C1orf21: variants seen among roughly 807,000 people sequenced by gnomAD.
C1orf21 encodes chromosome 1 open reading frame 21, also known as uncharacterized protein C1orf21.
In C1orf21, 3 loss-of-function variants were observed where a neutral mutation model predicts 18.7. The observed-to-expected ratio is 0.16, with a 90% CI of 0.07 to 0.42. The LOEUF (loss-of-function observed/expected upper bound fraction) is 0.42, where lower values mean the gene tolerates loss of function less well. Ranked by LOEUF, C1orf21 falls within the 10% of genes least tolerant of loss-of-function variation. The pLI, the probability that C1orf21 is intolerant of heterozygous loss-of-function variation, is 0.99. For synonymous variants in C1orf21, 41 were observed against 46.4 expected (o/e 0.88, Z 0.47); for missense variants, 104 against 143.6 (o/e 0.72, Z 1.41).
At chr1:184,420,386 AT>A (rs1418875674) in intron 1 of C1orf21, among the ~76,000 whole-genome samples, 2 of 152,140 alleles carry the variant, frequency 1.3e-5, no homozygotes, top group Non-Finnish European at 2.9e-5. Flanking sequence ...TGGCTCTGAC[AT>A]TTTATTAGAC....
At chr1:184,445,633 T>A (rs936322571) in intron 1 of C1orf21, among the ~76,000 whole-genome samples, 3 of 152,046 alleles carry the variant, frequency 2.0e-5, no homozygotes, top group Non-Finnish European at 2.9e-5. Flanking sequence ...AAAAAAAATT[T>A]GTTCTTTTGA....
chr1:184,390,323 G>A (rs948302069), intron 1 of C1orf21, among the ~76,000 whole-genome samples: 1 of 152,184 alleles, frequency 6.6e-6, no homozygotes, highest in Non-Finnish European at 1.5e-5. Flanking sequence ...AGTTAGGAAA[G>A]GGTATGTACA....
At chr1:184,573,097 A>T (rs1659136408) in intron 3 of C1orf21, among the ~76,000 whole-genome samples, 1 of 152,164 alleles carries the variant, frequency 6.6e-6, no homozygotes, top group Non-Finnish European at 1.5e-5. Context: ...ATGGAGGAAA[A>T]AAAACTATTT....
intron 1 of C1orf21, among the ~76,000 whole-genome samples, chr1:184,447,745 A>G (rs1343449101): frequency 6.6e-6 from 1 of 151,906 alleles, no homozygotes; most frequent in Non-Finnish European, 1.5e-5. Context: ...TGGTCACTGG[A>G]CTCCCACTGT....
chr1:184,477,638 A>G (rs1044980607), intron 2 of C1orf21, 35 bp downstream of exon 2: 1 of 1,544,926 alleles, frequency 6.5e-7, no homozygotes, highest in South Asian at 1.2e-5. Flanking sequence ...TGACCCATTG[A>G]TTCTAGGCCT....
In C1orf21 at chr1:184,619,699, TAC is replaced by T. The variant is rs753130753; in HGVS notation, c.*145_*146del. ...TTCCATATTGTACGCCCCATTAAATTACAGTGTTTCTTAATGAACTTGCAAAG... is the reference window on the plus strand; with the variant it reads ...TTCCATATTGTACGCCCCATTAAATTAGTGTTTCTTAATGAACTTGCAAAG... On this transcript the variant is annotated 3_prime_UTR_variant, in exon 6 of 6. Coordinates refer to ENST00000235307, the MANE Select transcript of C1orf21 (RefSeq NM_030806.4). The T allele has an allele frequency of 6.5e-6, 4 of 612,928 alleles. No individual in the cohort carries two copies. The highest frequency in any genetic ancestry group is 2.7e-4 in the Middle Eastern group (1 of 3,772). The allele number at this position is 612,928 out of a possible 1,614,324, so 38.0% of individuals were successfully genotyped here.
chr1:184,571,047 A>C (rs1341482133), intron 3 of C1orf21, among the ~76,000 whole-genome samples: 3 of 152,126 alleles, frequency 2.0e-5, no homozygotes, highest in Non-Finnish European at 2.9e-5. Context: ...TAATCCCAGC[A>C]CTTTGGGAGG....
At chr1:184,522,979 C>G (rs116206353) in intron 3 of C1orf21, among the ~76,000 whole-genome samples, 1 of 152,134 alleles carries the variant, frequency 6.6e-6, no homozygotes, top group African/African-American at 2.4e-5. Flanking sequence ...TGAGCCAGTA[C>G]GCCCAGACTT....
intron 3 of C1orf21, among the ~76,000 whole-genome samples, chr1:184,581,092 C>A (rs1659268209): frequency 6.6e-6 from 1 of 152,148 alleles, no homozygotes; most frequent in Non-Finnish European, 1.5e-5. Context: ...GCAGAGCCAT[C>A]CTGCAGCCTG....
At chr1:184,417,564 T>C (rs1656473151) in intron 1 of C1orf21, among the ~76,000 whole-genome samples, 1 of 152,248 alleles carries the variant, frequency 6.6e-6, no homozygotes. Context: ...TTTTAGCACT[T>C]ATCACAAAAG....
intron 1 of C1orf21, among the ~76,000 whole-genome samples, chr1:184,398,449 C>T (rs1656097257): frequency 6.6e-6 from 1 of 152,148 alleles, no homozygotes; most frequent in African/African-American, 2.4e-5. Flanking sequence ...TTTTCTCTGC[C>T]CCCTTCCTCG....
chr1:184,596,141 G>A (rs182040586), intron 4 of C1orf21, among the ~76,000 whole-genome samples: 1 of 152,230 alleles, frequency 6.6e-6, no homozygotes, highest in Admixed American at 6.5e-5. Flanking sequence ...GCCCCCTCTT[G>A]TCCCTCTCAT....
intron 1 of C1orf21, among the ~76,000 whole-genome samples, chr1:184,415,566 A>G (rs973726913): frequency 6.6e-6 from 1 of 152,200 alleles, no homozygotes. Flanking sequence ...TGACCTATTA[A>G]TGAGTCATTA....
chr1:184,537,143 A>G (rs940176606), intron 3 of C1orf21, among the ~76,000 whole-genome samples: 1 of 152,210 alleles, frequency 6.6e-6, no homozygotes, highest in Non-Finnish European at 1.5e-5. Flanking sequence ...TAAAATTCAC[A>G]TAACAATATT....
chr1:184,392,319 C>T (rs1160623533), intron 1 of C1orf21, among the ~76,000 whole-genome samples: 1 of 152,158 alleles, frequency 6.6e-6, no homozygotes, highest in Admixed American at 6.5e-5. Flanking sequence ...GGAAGCCCTC[C>T]ACCTCTTGAT....
intron 1 of C1orf21, among the ~76,000 whole-genome samples, chr1:184,454,036 A>G (rs1657159651): frequency 6.6e-6 from 1 of 152,116 alleles, no homozygotes; most frequent in Non-Finnish European, 1.5e-5. Context: ...TGCTGAAGAC[A>G]TCACTGGCAT....
intron 3 of C1orf21, among the ~76,000 whole-genome samples, chr1:184,525,784 C>T (rs1658368596): frequency 6.6e-6 from 1 of 152,162 alleles, no homozygotes; most frequent in Non-Finnish European, 1.5e-5. Flanking sequence ...GGCAGAACAG[C>T]AGGCTTTCTG....
intron 1 of C1orf21, among the ~76,000 whole-genome samples, chr1:184,451,462 ATTTT>A (rs374550435): frequency 3.9e-5 from 3 of 77,780 alleles, no homozygotes; most frequent in South Asian, 3.8e-4. Context: ...GGCTAATTTA[ATTTT>A]TTTTTTTTTT....
chr1:184,436,939 G>A (rs551803321), intron 1 of C1orf21, among the ~76,000 whole-genome samples: 6 of 152,188 alleles, frequency 3.9e-5, no homozygotes, highest in African/African-American at 9.6e-5. Context: ...ATTGAGCGGC[G>A]GGTTGGGGGG....
Sources: allele counts gnomAD v4.1 joint callset (sites outside exome capture counted in the v4.1 genomes callset), GRCh38; gene constraint gnomAD v4.1.1; transcripts MANE v1.5; gene names NCBI Gene and HGNC (gene_info 2026-07-23, HGNC 2026-07-21).